Variants in LBP observed in about 807,000 individuals in gnomAD.
The protein encoded by LBP is lipopolysaccharide binding protein, also known as lipopolysaccharide-binding protein.
LBP carries 53 observed loss-of-function variants against 56.6 expected under a neutral mutation model. That is an observed-to-expected ratio of 0.94 (90% CI 0.75 to 1.18). The LOEUF is 1.18. LBP is among the 50% of genes most tolerant of loss of function. The probability of loss-of-function intolerance (pLI) is 0.00; values close to 1 mark genes in which losing one functional copy is unlikely to be tolerated. For synonymous variants in LBP, 227 were observed against 247.5 expected, an observed-to-expected ratio of 0.92 and a Z score of 0.78; for missense variants, 601 against 598.3, an observed-to-expected ratio of 1.00 and a Z score of -0.05.
Position 38,346,540 on chromosome 20 carries a change from G to T in LBP, c.24G>T (p.Leu8=). The change falls in exon 1 of 15, where the codon CTG becomes CTT. Residue 8 remains leucine (L), a synonymous_variant. Coordinates refer to ENST00000217407, the MANE Select transcript of LBP (RefSeq NM_004139.5). ...GGATGGGGGCCTTGGCCAGAGCCCTGCCGTCCATACTGCTGGCATTGCTGC... is the reference window on the plus strand; with the variant it reads ...GGATGGGGGCCTTGGCCAGAGCCCTTCCGTCCATACTGCTGGCATTGCTGC... The part of the protein sequence containing the change: MGALARA[L]PSILLALLLT... The T allele has an allele frequency of 1.9e-6, 3 of 1,613,740 alleles. No homozygotes were observed. Among genetic ancestry groups the T allele is most frequent in the Non-Finnish European group, 2.5e-6 (3 of 1,179,990 alleles).
chr20:38,354,465 GCTGGACTC>G (rs761514198), intron 4 of LBP, 26 bp downstream of exon 4: 1 of 1,590,866 alleles, frequency 6.3e-7, no homozygotes, highest in South Asian at 1.1e-5. Flanking sequence ...GGCACTGCCA[GCTGGACTC>G]CTGGTTGCAG....
intron 6 of LBP, among the ~76,000 whole-genome samples, chr20:38,361,763 A>AT (rs1252997414): frequency 6.6e-6 from 1 of 152,062 alleles, no homozygotes; most frequent in Non-Finnish European, 1.5e-5. Flanking sequence ...TGCTCAAATC[A>AT]TAAGTGTGCT....
Position 38,354,372 on chromosome 20 carries a change from ACAGTTACTGCCTC to A in LBP, c.461_473del (p.Val154AlafsTer21), listed in dbSNP as rs1273106951. ...GGGCAGCGAGTCCTCCGGGAGGCCCACAGTTACTGCCTCCAGCTGCAGCAGTGACATCGCTGAC... is the reference window on the plus strand; with the variant it reads ...GGGCAGCGAGTCCTCCGGGAGGCCCACAGCTGCAGCAGTGACATCGCTGAC... On this transcript the variant is annotated frameshift_variant, in exon 4 of 15. Transcript: ENST00000217407. LOFTEE classifies it high-confidence loss of function. The A allele has an allele frequency of 6.2e-7, 1 of 1,613,672 alleles. No homozygotes were observed. Among genetic ancestry groups the A allele is most frequent in the Non-Finnish European group, 8.5e-7 (1 of 1,179,942 alleles).
intron 11 of LBP, 95 bp from the exon 12 acceptor site, chr20:38,371,185 C>A: frequency 2.1e-6 from 2 of 960,166 alleles, no homozygotes; most frequent in Non-Finnish European, 1.6e-6. Flanking sequence ...GGCCCTGTGC[C>A]TTCTCAAGCC....
chr20:38,354,536 G>A, intron 4 of LBP, 97 bp downstream of exon 4: 3 of 1,203,398 alleles, frequency 2.5e-6, no homozygotes, highest in South Asian at 3.1e-5. Flanking sequence ...AATGATCCAG[G>A]TGGCTTGCAC....
At chr20:38,366,925 G>A (rs1373921442) in intron 9 of LBP, 97 bp downstream of exon 9, 1 of 1,162,914 alleles carries the variant, frequency 8.6e-7, no homozygotes, top group Non-Finnish European at 1.3e-6. Context: ...TTGACCAAGA[G>A]TGAGAAGGCC....
intron 1 of LBP, among the ~76,000 whole-genome samples, chr20:38,348,069 G>A (rs923922024): frequency 6.6e-6 from 1 of 152,186 alleles, no homozygotes; most frequent in Non-Finnish European, 1.5e-5. Context: ...CAACATGTGC[G>A]TTTGCTAGAG....
chr20:38,374,140 A>ACCCGTCCTGCCCCT, intron 14 of LBP, 127 bp downstream of exon 14: 1 of 911,562 alleles, frequency 1.1e-6, no homozygotes, highest in Non-Finnish European at 1.7e-6. Flanking sequence ...GGCCAGGGGC[A>ACCCGTCCTGCCCCT]GGACGGGTGC....
intron 14 of LBP, among the ~76,000 whole-genome samples, chr20:38,375,912 C>T (rs969965641): frequency 1.2e-4 from 18 of 152,178 alleles, no homozygotes; most frequent in Admixed American, 7.2e-4. Flanking sequence ...AAACAAATGT[C>T]GAAAGCCCTT....
In LBP at chr20:38,350,920, A is replaced by G; in HGVS notation, c.349A>G (p.Lys117Glu). 6.2e-7 allele frequency: 1 copy of G among 1,613,828 alleles called. No homozygotes were observed. The highest frequency in any genetic ancestry group is 8.5e-7 in the Non-Finnish European group (1 of 1,179,828). Residue 117 changes from lysine to glutamate, a missense_variant, in exon 3 of 15, where the codon AAG (lysine) becomes GAG (glutamate). Coordinates refer to ENST00000217407, the MANE Select transcript of LBP (RefSeq NM_004139.5). ...DSSIRVQGRW[K>E]VRKSFFKLQG... ...CTCCATCCGGGTCCAGGGCAGGTGG[A>G]AGGTGCGCAAGTCATTCTTGTAAGT...
chr20:38,351,222 C>T (rs184845011), intron 3 of LBP, among the ~76,000 whole-genome samples: 149 of 152,330 alleles, frequency 9.8e-4, no homozygotes, highest in Non-Finnish European at 1.5e-3. Flanking sequence ...TTGCTTCCCA[C>T]AGAAGCAGAC....
Position 38,364,526 on chromosome 20 carries a change from C to T in LBP, c.745-50C>T, listed in dbSNP as rs778432881. On this transcript the variant is annotated intron_variant, in intron 7 of 14. Coordinates refer to ENST00000217407, the MANE Select transcript of LBP (RefSeq NM_004139.5). ...TGTGTAGGGGAATACCTAGCCCCTG[C>T]CCCACGATAGGCTTTGAAAAGTCCA... is the stretch of plus-strand genomic sequence containing the variant. The T allele has an allele frequency of 2.5e-6, 4 of 1,578,796 alleles. No homozygotes were observed. The South Asian group carries it at 3.3e-5, about 13-fold the overall frequency.
chr20:38,364,493 C>A, intron 7 of LBP, 83 bp from the exon 8 acceptor site: 2 of 1,314,382 alleles, frequency 1.5e-6, no homozygotes, highest in Non-Finnish European at 1.1e-6. Flanking sequence ...AGCGTCCCTT[C>A]ATCGGACTGT....
chr20:38,374,146 G>A, intron 14 of LBP, 133 bp downstream of exon 14: 1 of 826,820 alleles, frequency 1.2e-6, no homozygotes, highest in Non-Finnish European at 2.0e-6. Context: ...GGGCAGGACG[G>A]GTGCTCCTGG....
rs746159309 is a variant in LBP at position 38,373,999 on chromosome 20, C to T, written c.1387C>T (p.Leu463=). Reference sequence around the variant, plus strand: ...GCGTGTTCAGCTCTACGACCTTGGGCTGCAGATCCATAAGGTCGGTGGGTT... The same window carrying T: ...GCGTGTTCAGCTCTACGACCTTGGGTTGCAGATCCATAAGGTCGGTGGGTT... The part of the protein sequence containing the change: ...LKRVQLYDLG[L]QIHKDFLFLG... The change falls in exon 14 of 15, where the codon CTG becomes TTG. Residue 463 remains leucine (L), a synonymous_variant. Transcript: ENST00000217407. 3 of 1,613,982 alleles carry T rather than the reference C, an allele frequency of 1.9e-6. No individual in the cohort carries two copies. The highest frequency in any genetic ancestry group is 2.7e-5 in the African/African-American group (2 of 74,928).
intron 8 of LBP, 146 bp from the exon 9 acceptor site, chr20:38,366,623 T>C: frequency 1.3e-6 from 1 of 756,424 alleles, no homozygotes; most frequent in East Asian, 2.5e-5. Context: ...CTTGGGTGAA[T>C]GCAGGACAGG....
At position 38,349,533 on chromosome 20, in the gene LBP, A is replaced by G. The variant is rs369799939; in HGVS notation, c.125-15A>G. 48 of 1,578,510 alleles carry G rather than the reference A, an allele frequency of 3.0e-5. No homozygotes were observed. The highest frequency in any genetic ancestry group is 4.0e-5 in the Non-Finnish European group (47 of 1,160,984). ...AGGCAGATCAAGCTGACTCCCAGCT[A>G]TTTCCTTTCCACAGCGGCCCAGGAG... On this transcript the variant is annotated splice_polypyrimidine_tract_variant and intron_variant, in intron 1 of 14. Transcript: ENST00000217407.
At chr20:38,346,681 G>C (rs142875263) in intron 1 of LBP, 41 bp downstream of exon 1, 2 of 1,609,648 alleles carry the variant, frequency 1.2e-6, no homozygotes, top group African/African-American at 2.7e-5. Context: ...GCAAACCCAC[G>C]CTCCAGGCTG....
At chr20:38,350,457 C>T (rs947611468) in intron 2 of LBP, among the ~76,000 whole-genome samples, 1 of 152,112 alleles carries the variant, frequency 6.6e-6, no homozygotes, top group African/African-American at 2.4e-5. Context: ...AACTGCAAAC[C>T]CAAAGGGATA....
Sources: allele counts gnomAD v4.1 joint callset (sites outside exome capture counted in the v4.1 genomes callset), GRCh38; gene constraint gnomAD v4.1.1; transcripts MANE v1.5; gene names NCBI Gene and HGNC (gene_info 2026-07-23, HGNC 2026-07-21).